NDST4: variants seen among roughly 807,000 people sequenced by gnomAD.
The protein encoded by NDST4 is N-deacetylase and N-sulfotransferase 4, also known as N-heparan sulfate sulfotransferase 4.
Under a neutral mutation model 100.8 loss-of-function variants are expected in NDST4, and 63 were observed. That is an observed-to-expected ratio of 0.62 (90% CI 0.51 to 0.77). The LOEUF (loss-of-function observed/expected upper bound fraction) is 0.77, where lower values mean the gene tolerates loss of function less well. NDST4 is among the 30% of genes least tolerant of loss of function. The pLI is 0.00. For synonymous variants in NDST4, 377 were observed against 361.8 expected (o/e 1.04, Z -0.48); for missense variants, 943 against 1,018.4 (o/e 0.93, Z 1.01).
At chr4:114,967,562 A>G (rs189286685) in intron 4 of NDST4, among the ~76,000 whole-genome samples, 1 of 152,258 alleles carries the variant, frequency 6.6e-6, no homozygotes, top group African/African-American at 2.4e-5. Context: ...GCTCTAGAGT[A>G]GGAGTGTAGT....
At chr4:114,923,623 C>A (rs1725330853) in intron 6 of NDST4, among the ~76,000 whole-genome samples, 1 of 151,970 alleles carries the variant, frequency 6.6e-6, no homozygotes. Flanking sequence ...GGAGTGTTTT[C>A]TTTTCTTTTT....
At chr4:115,099,222 T>A (rs188991332) in intron 1 of NDST4, among the ~76,000 whole-genome samples, 11 of 152,224 alleles carry the variant, frequency 7.2e-5, no homozygotes, top group Non-Finnish European at 1.3e-4. Flanking sequence ...ACTATAAGAC[T>A]CTTAGAAGAT....
Position 115,076,430 on chromosome 4 carries a change from G to A in NDST4, c.607C>T (p.His203Tyr), listed in dbSNP as rs1274281534. 6.2e-7 allele frequency: 1 copy of A among 1,613,950 alleles called. No individual in the cohort carries two copies. Among genetic ancestry groups the A allele is most frequent in the East Asian group, 2.2e-5 (1 of 44,788 alleles). The part of the protein sequence containing the change: ...CFVNPQSPLL[H>Y]ITKAPKVEKG... ...TCAACCTTGGGGGCTTTGGTAATATGCAGCAAAGGAGATTGAGGGTTAACA... is the reference window on the plus strand; with the variant it reads ...TCAACCTTGGGGGCTTTGGTAATATACAGCAAAGGAGATTGAGGGTTAACA... Residue 203 changes from histidine to tyrosine, a missense_variant, in exon 2 of 14, where the codon CAT becomes TAT. Physicochemically the swap from His to Tyr is moderately conservative, Grantham distance 83 (BLOSUM62 2). Around this residue, in one of 2 missense-constraint regions of NDST4, gnomAD observed 417 missense variants for 384.2 expected, o/e 1.09. Coordinates refer to ENST00000264363, the MANE Select transcript of NDST4 (RefSeq NM_022569.3).
At chr4:114,961,473 G>A (rs1726262089) in intron 4 of NDST4, among the ~76,000 whole-genome samples, 1 of 151,934 alleles carries the variant, frequency 6.6e-6, no homozygotes, top group Admixed American at 6.6e-5. Flanking sequence ...TGGGGGAAAA[G>A]GCACAAACTG....
chr4:115,109,415 A>G (rs969907125), intron 1 of NDST4, among the ~76,000 whole-genome samples: 12 of 152,082 alleles, frequency 7.9e-5, no homozygotes, highest in South Asian at 6.2e-4. Context: ...CAAATGAAGC[A>G]TGTGGCCGCA....
chr4:114,953,979 C>G (rs1347708661), intron 4 of NDST4, among the ~76,000 whole-genome samples: 2 of 152,132 alleles, frequency 1.3e-5, no homozygotes, highest in East Asian at 3.9e-4. Flanking sequence ...TTCAAGCTTA[C>G]TAGCTGATGC....
At chr4:114,844,202 C>T (rs1260053801) in intron 10 of NDST4, among the ~76,000 whole-genome samples, 1 of 152,188 alleles carries the variant, frequency 6.6e-6, no homozygotes, top group Admixed American at 6.5e-5. Context: ...AAGTCTATTG[C>T]AATAGCTTCA....
At chr4:115,022,479 C>CATAT (rs562372664) in intron 2 of NDST4, among the ~76,000 whole-genome samples, 1 of 137,482 alleles carries the variant, frequency 7.3e-6, no homozygotes, top group Non-Finnish European at 1.6e-5. Context: ...ATATGTGTTC[C>CATAT]ATATATATGT....
At chr4:115,031,311 A>G (rs1728111011) in intron 2 of NDST4, among the ~76,000 whole-genome samples, 2 of 152,014 alleles carry the variant, frequency 1.3e-5, no homozygotes, top group African/African-American at 4.8e-5. Context: ...CAGAGGATAG[A>G]TGAGTGGGAA....
At chr4:114,831,841 C>G (rs1237603547) in intron 12 of NDST4, among the ~76,000 whole-genome samples, 2 of 152,174 alleles carry the variant, frequency 1.3e-5, no homozygotes, top group African/African-American at 4.8e-5. Flanking sequence ...TAAGTTATAT[C>G]AATTCATTGC....
intron 1 of NDST4, among the ~76,000 whole-genome samples, chr4:115,112,878 G>A (rs999310325): frequency 2.0e-5 from 3 of 151,990 alleles, no homozygotes; most frequent in Non-Finnish European, 4.4e-5. Flanking sequence ...TAGGAGGAAA[G>A]CACCTATTTC....
rs527821338 is a variant in NDST4, at chr4:114,877,196, T to G, written c.1537-6246A>C. On this transcript the variant is annotated intron_variant, in intron 6 of 13. Transcript: ENST00000264363. ...AAATTCATCAAACTTCCGTCTATTT[T>G]CTGCTTCATTTTATTCTATTATTTT... Among the ~76,000 whole-genome samples, 7 of 152,362 alleles carry G rather than the reference T, an allele frequency of 4.6e-5. No individual in the cohort carries two copies. In the South Asian group the frequency reaches 8.3e-4, roughly 18 times the overall value.
intron 6 of NDST4, among the ~76,000 whole-genome samples, chr4:114,879,433 G>A (rs2126200362): frequency 6.6e-6 from 1 of 152,190 alleles, no homozygotes; most frequent in South Asian, 2.1e-4. Flanking sequence ...ATGAGGTGAT[G>A]TCTTGTTTTT....
chr4:114,962,820 A>G (rs1349402500), intron 4 of NDST4, among the ~76,000 whole-genome samples: 1 of 152,096 alleles, frequency 6.6e-6, no homozygotes, highest in Non-Finnish European at 1.5e-5. Flanking sequence ...CCTAAAATTC[A>G]TATGGAAATT....
intron 10 of NDST4, among the ~76,000 whole-genome samples, chr4:114,841,208 T>C (rs1424615914): frequency 6.6e-6 from 1 of 152,116 alleles, no homozygotes; most frequent in Non-Finnish European, 1.5e-5. Flanking sequence ...GACCATGAAG[T>C]CACAAAAGGA....
intron 2 of NDST4, among the ~76,000 whole-genome samples, chr4:115,061,764 A>G (rs2126283665): frequency 6.6e-6 from 1 of 152,196 alleles, no homozygotes; most frequent in Non-Finnish European, 1.5e-5. Context: ...CATTCTGCAC[A>G]TGTATCCCAG....
intron 6 of NDST4, among the ~76,000 whole-genome samples, chr4:114,915,963 C>T (rs561396657): frequency 3.3e-5 from 5 of 152,152 alleles, no homozygotes; most frequent in African/African-American, 9.6e-5. Context: ...GTTTTAAAAT[C>T]AGTTTGAAAA....
At chr4:115,093,233 T>G (rs1729553278) in intron 1 of NDST4, among the ~76,000 whole-genome samples, 1 of 152,154 alleles carries the variant, frequency 6.6e-6, no homozygotes, top group Non-Finnish European at 1.5e-5. Context: ...CTCAGCATTT[T>G]GGGAGGCCAA....
intron 2 of NDST4, among the ~76,000 whole-genome samples, chr4:115,032,052 C>A (rs1173035231): frequency 6.6e-6 from 1 of 152,056 alleles, no homozygotes; most frequent in Non-Finnish European, 1.5e-5. Context: ...AGAGTTCTAT[C>A]TATCATAAAA....
Sources: allele counts gnomAD v4.1 joint callset (sites outside exome capture counted in the v4.1 genomes callset), GRCh38; gene constraint gnomAD v4.1.1; regional missense constraint gnomAD v4.1.1; transcripts MANE v1.5; gene names NCBI Gene and HGNC (gene_info 2026-07-23, HGNC 2026-07-21).